The following SCN3A variants were observed in gnomAD, a reference collection of about 807,000 sequenced individuals.
The protein encoded by SCN3A is sodium channel protein type 3 subunit alpha.
SCN3A carries 60 observed loss-of-function variants against 187.6 expected under a neutral mutation model. The observed-to-expected ratio is 0.32, with a 90% confidence interval of 0.26 to 0.40. SCN3A has a LOEUF of 0.40. Ranked by LOEUF, SCN3A falls within the 10% of genes least tolerant of loss-of-function variation. SCN3A has a pLI of 1.00. For synonymous variants in SCN3A, 788 were observed against 829.2 expected (o/e 0.95, Z 0.85); for missense variants, 1,601 against 2,428.2 (o/e 0.66, Z 7.16).
At chr2:165,146,227 T>G (rs1341948374) in intron 12 of SCN3A, among the ~76,000 whole-genome samples, 1 of 151,888 alleles carries the variant, frequency 6.6e-6, no homozygotes, top group Non-Finnish European at 1.5e-5. Context: ...TTTTCAAAAT[T>G]TATATGTATG....
intron 17 of SCN3A, among the ~76,000 whole-genome samples, chr2:165,129,372 C>A (rs1687180019): frequency 6.6e-6 from 1 of 152,168 alleles, no homozygotes; most frequent in Admixed American, 6.5e-5. Context: ...TATAGTAATG[C>A]AAATTCAGGG....
chr2:165,129,887 T>C lies in SCN3A; in HGVS notation c.2922+53A>G. On this transcript the variant is annotated intron_variant, in intron 17 of 27. Coordinates refer to ENST00000283254, the MANE Select transcript of SCN3A (RefSeq NM_006922.4). ...TGTTTACTACATCTGGCCACGTTCC[T>C]AGCTACTGTCTGCTCTTGTTCTAAT... 5 of 1,610,188 alleles carry C rather than the reference T, an allele frequency of 3.1e-6. No individual in the cohort carries two copies. The Admixed American group carries it at 8.3e-5, about 27-fold the overall frequency.
At chr2:165,133,124 A>C (rs1411800853) in intron 15 of SCN3A, among the ~76,000 whole-genome samples, 2 of 152,198 alleles carry the variant, frequency 1.3e-5, no homozygotes, top group African/African-American at 4.8e-5. Flanking sequence ...TTAAAAAGTT[A>C]GGAAACAACA....
rs541814710 is a variant in SCN3A, at chr2:165,165,124, T to A, written c.474-604A>T. On this transcript the variant is annotated intron_variant, in intron 5 of 27. Coordinates refer to ENST00000283254, the MANE Select transcript of SCN3A (RefSeq NM_006922.4). ...AGTAGACTCATTTTGAGGGCTAGTT[T>A]ACATGTCTACCATAGAAAATATATT... 1.7e-4 allele frequency among the ~76,000 whole-genome samples: 26 copies of A among 152,310 alleles called. No homozygotes were observed. The South Asian group carries it at 5.2e-3, about 30-fold the overall frequency.
chr2:165,117,855 A>G (rs1253324574), intron 18 of SCN3A, among the ~76,000 whole-genome samples: 1 of 152,210 alleles, frequency 6.6e-6, no homozygotes, highest in Non-Finnish European at 1.5e-5. Context: ...AAAACTTTAG[A>G]AAATATACTC....
intron 9 of SCN3A, among the ~76,000 whole-genome samples, chr2:165,156,350 C>CAAA: frequency 6.9e-6 from 1 of 144,318 alleles, no homozygotes; most frequent in African/African-American, 2.5e-5. Context: ...ACTAAAAATA[C>CAAA]AAAAAAAAAA....
At chr2:165,154,690 T>C in intron 10 of SCN3A, 32 bp from the exon 11 acceptor site, 1 of 1,573,658 alleles carries the variant, frequency 6.4e-7, no homozygotes, top group African/African-American at 1.3e-5. Flanking sequence ...TCCATCAGTA[T>C]TTTAGTATAA....
At chr2:165,137,294 T>C (rs1409462957) in intron 15 of SCN3A, among the ~76,000 whole-genome samples, 2 of 152,162 alleles carry the variant, frequency 1.3e-5, no homozygotes, top group African/African-American at 2.4e-5. Flanking sequence ...ATTAATAATA[T>C]ATGTAAACCC....
chr2:165,176,228 T>C lies in SCN3A; in HGVS notation c.167A>G (p.Glu56Gly). 6.2e-6 allele frequency: 10 copies of C among 1,614,126 alleles called. No homozygotes were observed. The highest frequency in any genetic ancestry group is 8.5e-6 in the Non-Finnish European group (10 of 1,180,000). ...AATAAATGGAAGGTTCTTTCCAGCT[T>C]CCAAGTCACTATTTGGCTTTGGTTT... ...ENKPKPNSDL[E>G]AGKNLPFIYG... Residue 56 changes from glutamate to glycine, a missense_variant, in exon 3 of 28, where the codon GAA becomes GGA. Glu to Gly is a moderately conservative substitution (Grantham distance 98, BLOSUM62 -2). Around this residue, in one of 11 missense-constraint regions of SCN3A, gnomAD observed 74 missense variants for 77.7 expected, o/e 0.95. Transcript: ENST00000283254.
rs370141420 is a variant in SCN3A, at chr2:165,127,847, T to C, written c.3177A>G (p.Lys1059=). ...MSNNTGIEIS[K]ELNYLRDGNG... is the part of the protein sequence containing the mutation. ...TCCCATCTCTAAGATAATTAAGCTC[T>C]TTGCTTATTTCAATTCCAGTATTAT... Residue 1059 remains lysine, a synonymous_variant, in exon 18 of 28, where the codon AAA becomes AAG. Coordinates refer to ENST00000283254, the MANE Select transcript of SCN3A (RefSeq NM_006922.4). The C allele has an allele frequency of 3.7e-6, 6 of 1,614,082 alleles. No homozygotes were observed. The African/African-American group carries it at 8.0e-5, about 22-fold the overall frequency.
chr2:165,142,860 C>T (rs955518629), intron 12 of SCN3A, among the ~76,000 whole-genome samples: 4 of 151,962 alleles, frequency 2.6e-5, no homozygotes, highest in African/African-American at 7.3e-5. Context: ...AAGCTATTCT[C>T]CTGCCTTACC....
chr2:165,096,567 A>G (rs769724786), intron 23 of SCN3A, 47 bp from the exon 24 acceptor site: 2 of 1,360,618 alleles, frequency 1.5e-6, no homozygotes, highest in Non-Finnish European at 2.1e-6. Flanking sequence ...TTCACCTAAC[A>G]ATGACATTTA....
intron 18 of SCN3A, among the ~76,000 whole-genome samples, chr2:165,125,440 A>G (rs1235218453): frequency 6.6e-6 from 1 of 152,034 alleles, no homozygotes; most frequent in African/African-American, 2.4e-5. Flanking sequence ...AGTAGCTGGG[A>G]CTACAGGTGC....
At chr2:165,121,551 C>T (rs1191020578) in intron 18 of SCN3A, among the ~76,000 whole-genome samples, 3 of 152,178 alleles carry the variant, frequency 2.0e-5, no homozygotes, top group Non-Finnish European at 4.4e-5. Context: ...ATCTTTGTTA[C>T]TATTTTCCAT....
At chr2:165,199,375 T>C (rs1406234534) in intron 1 of SCN3A, among the ~76,000 whole-genome samples, 1 of 151,986 alleles carries the variant, frequency 6.6e-6, no homozygotes, top group Non-Finnish European at 1.5e-5. Flanking sequence ...TCATAAGGTT[T>C]CTCTGAACTA....
intron 15 of SCN3A, 149 bp downstream of exon 15, chr2:165,137,730 G>A (rs1446618145): frequency 1.4e-6 from 1 of 691,694 alleles, no homozygotes; most frequent in Non-Finnish European, 2.6e-6. Context: ...CTGTATCTCT[G>A]AGATTCCCTG....
intron 13 of SCN3A, 86 bp from the exon 14 acceptor site, chr2:165,139,694 C>G: frequency 6.6e-7 from 1 of 1,517,462 alleles, no homozygotes; most frequent in Non-Finnish European, 9.1e-7. Context: ...AATCATGCTA[C>G]ATGCAATTTT....
intron 15 of SCN3A, among the ~76,000 whole-genome samples, chr2:165,133,167 C>G (rs1687451286): frequency 6.6e-6 from 1 of 152,122 alleles, no homozygotes; most frequent in South Asian, 2.1e-4. Flanking sequence ...AATAGGAACA[C>G]TTTTACACTG....
chr2:165,092,727 T>C lies in SCN3A; in HGVS notation c.4537-203A>G, dbSNP rs935141099. The C allele has an allele frequency of 3.5e-6, 2 of 577,942 alleles. No homozygotes were observed. Among genetic ancestry groups the C allele is most frequent in the Non-Finnish European group, 6.1e-6 (2 of 329,490 alleles). The allele number at this position is 577,942 out of a possible 1,614,324, so 35.8% of individuals were successfully genotyped here. Reference sequence around the variant, plus strand: ...ATATAGCTAAACAAAGCATATTTGGTTTATATAGGTCCTATGGAAAGACAA... The same window carrying C: ...ATATAGCTAAACAAAGCATATTTGGCTTATATAGGTCCTATGGAAAGACAA... On this transcript the variant is annotated intron_variant, in intron 26 of 27. Transcript: ENST00000283254. The surrounding 1 kb of genome is among the most constrained non-coding windows in gnomAD (Gnocchi z 4.2).
Sources: gnomAD v4.1 joint callset for allele counts (sites outside exome capture counted in the v4.1 genomes callset) on GRCh38, gnomAD v4.1.1 for gene constraint, gnomAD v4.1.1 regional missense constraint, Gnocchi (gnomAD v3.1) non-coding constraint, MANE v1.5 for transcripts, NCBI Gene and HGNC (gene_info 2026-07-23, HGNC 2026-07-21) for gene names.